The following BCKDHB variants were observed in gnomAD, a reference collection of about 807,000 sequenced individuals.
The protein encoded by BCKDHB is branched chain keto acid dehydrogenase E1 subunit beta, also known as 2-oxoisovalerate dehydrogenase subunit beta, mitochondrial.
BCKDHB carries 41 observed loss-of-function variants against 48.5 expected under a neutral mutation model. The observed-to-expected ratio is 0.85, with a 90% CI of 0.66 to 1.10. The LOEUF (loss-of-function observed/expected upper bound fraction) is 1.10, where lower values mean the gene tolerates loss of function less well. BCKDHB is among the 50% of genes least tolerant of loss of function. The pLI is 0.00. For synonymous variants in BCKDHB, 201 were observed against 174.8 expected (o/e 1.15, Z -1.18); for missense variants, 496 against 494.2 (o/e 1.00, Z -0.03).
rs576867514 is a variant in BCKDHB at position 80,218,567 on chromosome 6, A to G, written c.951+15355A>G. On this transcript the variant is annotated intron_variant, in intron 8 of 9. Coordinates refer to ENST00000320393, the MANE Select transcript of BCKDHB (RefSeq NM_183050.4). Reference sequence around the variant, plus strand: ...TTGCATTCCCTGCTGTCTTCATCTCATATTTCCTCAGTTTTGAGTTATGAT... The same window carrying G: ...TTGCATTCCCTGCTGTCTTCATCTCGTATTTCCTCAGTTTTGAGTTATGAT... Among the ~76,000 whole-genome samples, 4 of 152,138 alleles carry G rather than the reference A, an allele frequency of 2.6e-5. No homozygotes were observed. The East Asian group carries it at 5.8e-4, about 22-fold the overall frequency.
intron 8 of BCKDHB, among the ~76,000 whole-genome samples, chr6:80,269,313 A>G (rs1370752212): frequency 6.6e-6 from 1 of 152,142 alleles, no homozygotes; most frequent in Admixed American, 6.6e-5. Flanking sequence ...TCCTATTGTG[A>G]TAGTATGCCA....
At chr6:80,201,621 T>C (rs1774398701) in intron 7 of BCKDHB, among the ~76,000 whole-genome samples, 1 of 152,182 alleles carries the variant, frequency 6.6e-6, no homozygotes, top group Non-Finnish European at 1.5e-5. Context: ...ATCATTACTT[T>C]GCTGCTCACG....
rs147935992 is a variant in BCKDHB, at chr6:80,177,148, G to A, written c.742+5758G>A. 4.3e-3 allele frequency among the ~76,000 whole-genome samples: 626 copies of A among 144,506 alleles called. 8 individuals carry two copies. Among genetic ancestry groups the A allele is most frequent in the African/African-American group, 0.015 (593 of 38,916 alleles). 94.8% of individuals were successfully genotyped at this position (144,506 alleles called of 152,430 possible). On this transcript the variant is annotated intron_variant, in intron 6 of 9. Transcript: ENST00000320393. The stretch of plus-strand genomic sequence containing the variant: ...AAGCTGAGGTGGGAGGATCACCTGC[G>A]CCTGGGGAGGCTGAGGCTGCAGTGA...
At chr6:80,228,797 A>T (rs610946) in intron 8 of BCKDHB, among the ~76,000 whole-genome samples, 1 of 152,028 alleles carries the variant, frequency 6.6e-6, no homozygotes, top group Non-Finnish European at 1.5e-5. Flanking sequence ...CCAACTTGTC[A>T]CCAGCCTGGG....
At chr6:80,426,060 C>T in the BCKDHB span, among the ~76,000 whole-genome samples, 3 of 152,120 alleles carry the variant, frequency 2.0e-5, no homozygotes, top group African/African-American at 4.8e-5. Flanking sequence ...GCTTCATTTG[C>T]CTAATCACCA....
intron 9 of BCKDHB, among the ~76,000 whole-genome samples, chr6:80,291,186 C>T (rs1281454439): frequency 6.6e-6 from 1 of 152,110 alleles, no homozygotes; most frequent in East Asian, 1.9e-4. Flanking sequence ...GGTTCAAACG[C>T]CTTTGACATT....
chr6:80,260,973 A>G (rs572484386), intron 8 of BCKDHB, among the ~76,000 whole-genome samples: 1 of 152,282 alleles, frequency 6.6e-6, no homozygotes, highest in East Asian at 1.9e-4. Context: ...CTTGGCTTTC[A>G]TAGTATTCAA....
At chr6:80,217,371 G>A (rs1016457488) in intron 8 of BCKDHB, among the ~76,000 whole-genome samples, 4 of 151,900 alleles carry the variant, frequency 2.6e-5, no homozygotes, top group South Asian at 2.1e-4. Context: ...GTTTCTTTAC[G>A]TGTTTATATT....
At chr6:80,330,110 T>A (rs1350427952) in intron 9 of BCKDHB, among the ~76,000 whole-genome samples, 1 of 148,696 alleles carries the variant, frequency 6.7e-6, no homozygotes, top group Non-Finnish European at 1.5e-5. Flanking sequence ...GGTGATCTTA[T>A]AAAAAAAAAA....
intron 8 of BCKDHB, among the ~76,000 whole-genome samples, chr6:80,255,088 T>C (rs377128106): frequency 2.0e-4 from 30 of 152,194 alleles, no homozygotes; most frequent in African/African-American, 6.5e-4. Context: ...TGTCACCACA[T>C]GTTATATCTG....
At chr6:80,120,839 T>G (rs558516791) in intron 1 of BCKDHB, among the ~76,000 whole-genome samples, 3 of 152,350 alleles carry the variant, frequency 2.0e-5, no homozygotes, top group Admixed American at 2.0e-4. Context: ...GATAGTTTAT[T>G]TTGCCGTGCA....
the BCKDHB span, among the ~76,000 whole-genome samples, chr6:80,407,121 C>G: frequency 6.6e-6 from 1 of 152,088 alleles, no homozygotes; most frequent in African/African-American, 2.4e-5. Flanking sequence ...GAATCCTTTT[C>G]CCATTTTTTG....
At chr6:80,152,745 C>G (rs530481683) in intron 3 of BCKDHB, among the ~76,000 whole-genome samples, 23 of 152,166 alleles carry the variant, frequency 1.5e-4, no homozygotes, top group Non-Finnish European at 2.8e-4. Context: ...CTGACAATTC[C>G]TGAAGATATC....
At chr6:80,116,597 T>C (rs570852457) in intron 1 of BCKDHB, among the ~76,000 whole-genome samples, 1 of 152,352 alleles carries the variant, frequency 6.6e-6, no homozygotes, top group East Asian at 1.9e-4. Flanking sequence ...ATATTCATGA[T>C]TCTTTACTTA....
rs2128022704 is a variant in BCKDHB at position 80,345,968 on chromosome 6, T to C, written c.*2164T>C. 6.6e-6 allele frequency: 1 copy of C among 152,350 alleles called. No individual in the cohort carries two copies. The highest frequency in any genetic ancestry group is 6.5e-5 in the Admixed American group (1 of 15,304). The allele number at this position is 152,350 out of a possible 1,614,324, so 9.4% of individuals were successfully genotyped here. On this transcript the variant is annotated 3_prime_UTR_variant, in exon 10 of 10. Coordinates refer to ENST00000320393, the MANE Select transcript of BCKDHB (RefSeq NM_183050.4). Reference sequence around the variant, plus strand: ...GCAATTGAGAAAGTCTATAATTTATTTTACAGAAAAGCTGGAAGATTATGA... The same window carrying C: ...GCAATTGAGAAAGTCTATAATTTATCTTACAGAAAAGCTGGAAGATTATGA...
At chr6:80,123,932 T>C (rs1463166455) in intron 1 of BCKDHB, among the ~76,000 whole-genome samples, 4 of 152,198 alleles carry the variant, frequency 2.6e-5, no homozygotes, top group Non-Finnish European at 5.9e-5. Flanking sequence ...TGCCTTCTGC[T>C]AGCTTTTGAA....
chr6:80,169,501 A>AT (rs59803313), intron 5 of BCKDHB, among the ~76,000 whole-genome samples: 37 of 150,592 alleles, frequency 2.5e-4, no homozygotes, highest in Admixed American at 5.3e-4. Context: ...TGTTACCTAG[A>AT]TTTTTTTTTT....
the BCKDHB span, among the ~76,000 whole-genome samples, chr6:80,354,126 T>C: frequency 6.6e-6 from 1 of 152,222 alleles, no homozygotes; most frequent in Non-Finnish European, 1.5e-5. Flanking sequence ...GTTCTCTCAC[T>C]ATGCAGGTTT....
intron 6 of BCKDHB, among the ~76,000 whole-genome samples, chr6:80,176,718 A>T (rs1337662636): frequency 6.6e-6 from 1 of 152,196 alleles, no homozygotes; most frequent in Non-Finnish European, 1.5e-5. Flanking sequence ...ACTTAAGCAG[A>T]TAATTAAAAG....
Sources: gnomAD v4.1 joint callset for allele counts (sites outside exome capture counted in the v4.1 genomes callset) on GRCh38, gnomAD v4.1.1 for gene constraint, MANE v1.5 for transcripts, NCBI Gene and HGNC (gene_info 2026-07-23, HGNC 2026-07-21) for gene names.